NDUFB10: variants seen among roughly 807,000 people sequenced by gnomAD.
NDUFB10 encodes NADH dehydrogenase [ubiquinone] 1 beta subcomplex subunit 10.
A neutral mutation model predicts 19.0 loss-of-function variants in NDUFB10; 23 were observed. The observed-to-expected ratio is 1.21, with a 90% CI of 0.87 to 1.71. The LOEUF (loss-of-function observed/expected upper bound fraction) is 1.71, where lower values mean the gene tolerates loss of function less well. Ranked by LOEUF, NDUFB10 falls within the 40% of genes most tolerant of loss-of-function variation. The pLI, the probability that NDUFB10 is intolerant of heterozygous loss-of-function variation, is 0.00. For missense variants in NDUFB10, 312 were observed against 230.6 expected, an observed-to-expected ratio of 1.35 and a Z score of -2.29; for synonymous variants, 104 against 81.8, an observed-to-expected ratio of 1.27 and a Z score of -1.46.
chr16:1,959,675 G>A lies in NDUFB10; in HGVS notation c.51G>A (p.Thr17=), dbSNP rs749210626. The part of the protein sequence containing the change: ...KDVYPEPPRR[T]PVQPNPIVYM... ...TGTACCCTGAGCCCCCGCGCCGCAC[G>A]CCGGTGCAGCCCAATCCCATCGTCT... Residue 17 remains threonine, a synonymous_variant, in exon 1 of 4, where the codon ACG becomes ACA. Transcript: ENST00000268668. 1 of 1,612,978 alleles carries A rather than the reference G, an allele frequency of 6.2e-7. No individual in the cohort carries two copies. Among genetic ancestry groups the A allele is most frequent in the Non-Finnish European group, 8.5e-7 (1 of 1,179,626 alleles).
Position 1,961,306 on chromosome 16 carries a change from C to G in NDUFB10, c.269+15C>G. ...AAGAGGGACTAGTACGTGAGCCATGCTGGGAGTGTGGAGATCTGCACCGTG... is the reference window on the plus strand; with the variant it reads ...AAGAGGGACTAGTACGTGAGCCATGGTGGGAGTGTGGAGATCTGCACCGTG... On this transcript the variant is annotated intron_variant, in intron 2 of 3. Transcript: ENST00000268668. The G allele has an allele frequency of 6.2e-7, 1 of 1,613,784 alleles. No individual in the cohort carries two copies. The highest frequency in any genetic ancestry group is 8.5e-7 in the Non-Finnish European group (1 of 1,179,960).
At chr16:1,959,837 C>A in intron 1 of NDUFB10, 83 bp downstream of exon 1, 1 of 1,562,072 alleles carries the variant, frequency 6.4e-7, no homozygotes, top group Non-Finnish European at 8.7e-7. Context: ...TCCAATGCCT[C>A]CGGGGTCCCG....
chr16:1,961,481 T>TC lies in NDUFB10; in HGVS notation c.270-14dup. The TC allele has an allele frequency of 6.2e-7, 1 of 1,613,786 alleles. No homozygotes were observed. The highest frequency in any genetic ancestry group is 1.3e-5 in the African/African-American group (1 of 75,044). On this transcript the variant is annotated splice_polypyrimidine_tract_variant and intron_variant, in intron 2 of 3. Coordinates refer to ENST00000268668, the MANE Select transcript of NDUFB10 (RefSeq NM_004548.3). Reference sequence around the variant, plus strand: ...ATTCCTTGTGATTAGCCTCTCTTGCTCCTTTTCTCCACCAGCAAAGTCGAC... The same window carrying TC: ...ATTCCTTGTGATTAGCCTCTCTTGCTCCCTTTTCTCCACCAGCAAAGTCGAC...
At position 1,961,928 on chromosome 16, in the gene NDUFB10, TG is replaced by T; in HGVS notation, c.*23del. On this transcript the variant is annotated 3_prime_UTR_variant, in exon 4 of 4. Coordinates refer to ENST00000268668, the MANE Select transcript of NDUFB10 (RefSeq NM_004548.3). ...CTGAGGCAGCTGTGGGTGCCCCTGC[TG>T]TGTGGCTCTGTATGACTGTTGCTGA... 6.5e-7 allele frequency: 1 copy of T among 1,543,190 alleles called. No individual in the cohort carries two copies. The highest frequency in any genetic ancestry group is 8.8e-7 in the Non-Finnish European group (1 of 1,138,792).
chr16:1,960,205 T>C (rs1487759381), intron 1 of NDUFB10, among the ~76,000 whole-genome samples: 1 of 142,202 alleles, frequency 7.0e-6, no homozygotes, highest in South Asian at 2.3e-4. Flanking sequence ...ACCGGGAAAA[T>C]GCCCAGTTCA....
Position 1,961,643 on chromosome 16 carries a change from G to GGGCCC in NDUFB10, c.409+7_409+8insGGCCC. On this transcript the variant is annotated splice_region_variant and intron_variant, in intron 3 of 3. Transcript: ENST00000268668. ...AAGGCCTACCAGGACCGCTGTGCGT[G>GGGCCC]CCCCACCCACCCCCAACCCCCCACC... The GGGCCC allele has an allele frequency of 1.4e-4, 216 of 1,543,652 alleles. No individual in the cohort carries two copies. The highest frequency in any genetic ancestry group is 2.3e-4 in the Middle Eastern group (1 of 4,364).
At chr16:1,961,367 G>T in intron 2 of NDUFB10, 76 bp downstream of exon 2, 1 of 1,602,948 alleles carries the variant, frequency 6.2e-7, no homozygotes, top group East Asian at 2.2e-5. Flanking sequence ...ATGCCACAGG[G>T]TGGCATGCCC....
chr16:1,961,684 G>A lies in NDUFB10; in HGVS notation c.409+48G>A, dbSNP rs199907517. 1.1e-4 allele frequency: 170 copies of A among 1,503,630 alleles called. 3 individuals are homozygous for A. In the East Asian group the frequency reaches 3.1e-3, roughly 27 times the overall value. The allele number at this position is 1,503,630 out of a possible 1,614,324, so 93.1% of individuals were successfully genotyped here. ...ACCCCCCACCATCCTCCTGAGGCCT[G>A]GGGGCCAGAACCATTGCAAATCTTC... On this transcript the variant is annotated intron_variant, in intron 3 of 3. Transcript: ENST00000268668.
At chr16:1,960,337 C>G (rs2083245137) in intron 1 of NDUFB10, among the ~76,000 whole-genome samples, 1 of 152,154 alleles carries the variant, frequency 6.6e-6, no homozygotes, top group Non-Finnish European at 1.5e-5. Flanking sequence ...ATTCTCCTGC[C>G]TCAGCCTCCC....
In NDUFB10 at chr16:1,961,237, A is replaced by AG; in HGVS notation, c.217dup (p.Glu73GlyfsTer9). 1 of 1,613,732 alleles carries AG rather than the reference A, an allele frequency of 6.2e-7. No homozygotes were observed. The highest frequency in any genetic ancestry group is 8.5e-7 in the Non-Finnish European group (1 of 1,179,788). ...CGCGTGCCAGACATCACTGAGTGCA[A>AG]GGAGGAGGACATCATGTGCATGTAT... is the stretch of plus-strand genomic sequence containing the variant. On this transcript the variant is annotated frameshift_variant, in exon 2 of 4. Coordinates refer to ENST00000268668, the MANE Select transcript of NDUFB10 (RefSeq NM_004548.3). LOFTEE classifies it high-confidence loss of function.
chr16:1,961,288 A>G lies in NDUFB10; in HGVS notation c.266A>G (p.Asp89Gly). The G allele has an allele frequency of 6.2e-7, 1 of 1,613,932 alleles. No individual in the cohort carries two copies. Among genetic ancestry groups the G allele is most frequent in the South Asian group, 1.1e-5 (1 of 91,084 alleles). ...GAAGCCGAAATGCAGTGGAAGAGGG[A>G]CTAGTACGTGAGCCATGCTGGGAGT... ...MYEAEMQWKRDYKVDQEIINI... is the reference protein window; with the variant it reads ...MYEAEMQWKRGYKVDQEIINI... The change falls in exon 2 of 4, where the codon GAC becomes GGC. Residue 89 changes from aspartate to glycine, a missense_variant. Transcript: ENST00000268668.
chr16:1,960,955 C>G (rs897186197), intron 1 of NDUFB10, among the ~76,000 whole-genome samples, 198 bp from the exon 2 acceptor site: 1 of 152,336 alleles, frequency 6.6e-6, no homozygotes, highest in Middle Eastern at 3.4e-3. Flanking sequence ...CTCGGGAGCT[C>G]TCCATCAGCT....
chr16:1,959,856 A>G, intron 1 of NDUFB10, 102 bp downstream of exon 1: 1 of 1,488,160 alleles, frequency 6.7e-7, no homozygotes, highest in Non-Finnish European at 9.2e-7. Flanking sequence ...CGTCTGCCTG[A>G]GACCGCCCCC....
At chr16:1,961,410 C>T in intron 2 of NDUFB10, 87 bp from the exon 3 acceptor site, 2 of 1,594,404 alleles carry the variant, frequency 1.3e-6, no homozygotes, top group Non-Finnish European at 1.7e-6. Flanking sequence ...GGAGCCAGAC[C>T]CCAGGGCTCT....
intron 2 of NDUFB10, 76 bp downstream of exon 2, chr16:1,961,367 G>C: frequency 6.2e-7 from 1 of 1,602,948 alleles, no homozygotes; most frequent in Non-Finnish European, 8.5e-7. Flanking sequence ...ATGCCACAGG[G>C]TGGCATGCCC....
rs1382462679 is a variant in NDUFB10, at chr16:1,959,744, C to T, written c.120C>T (p.Thr40=). 3.1e-6 allele frequency: 5 copies of T among 1,613,212 alleles called. No homozygotes were observed. The highest frequency in any genetic ancestry group is 4.2e-6 in the Non-Finnish European group (5 of 1,179,680). ...AFDLIVDRPV[T]LVREFIERQH... is the part of the protein sequence containing the mutation. ...ACCTCATCGTGGACCGACCCGTGAC[C>T]CTCGTGAGAGGTACGAAGCCCCAGC... Residue 40 remains threonine (T), a synonymous_variant, in exon 1 of 4, where the codon ACC becomes ACT. Coordinates refer to ENST00000268668, the MANE Select transcript of NDUFB10 (RefSeq NM_004548.3).
At chr16:1,959,917 CGCCTCCTTTG>C in intron 1 of NDUFB10, among the ~76,000 whole-genome samples, 163 bp downstream of exon 1, 1 of 151,848 alleles carries the variant, frequency 6.6e-6, no homozygotes, top group East Asian at 1.9e-4. Flanking sequence ...CGAGCTCCGT[CGCCTCCTTTG>C]GCCTCCCACT....
In NDUFB10 at chr16:1,961,643, G is replaced by GGGCCCCCCCCCCCCCCCACCCCCCCC; in HGVS notation, c.409+7_409+8insGGCCCCCCCCCCCCCCCACCCCCCCC. On this transcript the variant is annotated splice_region_variant and intron_variant, in intron 3 of 3. Transcript: ENST00000268668. ...AAGGCCTACCAGGACCGCTGTGCGT[G>GGGCCCCCCCCCCCCCCCACCCCCCCC]CCCCACCCACCCCCAACCCCCCACC... 1 of 1,547,244 alleles carries GGGCCCCCCCCCCCCCCCACCCCCCCC rather than the reference G, an allele frequency of 6.5e-7. No homozygotes were observed.
At chr16:1,959,983 C>T (rs1015568008) in intron 1 of NDUFB10, among the ~76,000 whole-genome samples, 2 of 152,034 alleles carry the variant, frequency 1.3e-5, no homozygotes, top group South Asian at 4.1e-4. Context: ...TCCCCTGCAC[C>T]CCGGGATGCC....
Sources: gnomAD v4.1 joint callset for allele counts (sites outside exome capture counted in the v4.1 genomes callset) on GRCh38, gnomAD v4.1.1 for gene constraint, MANE v1.5 for transcripts, NCBI Gene and HGNC (gene_info 2026-07-23, HGNC 2026-07-21) for gene names.